RPS6KC1: variants seen among roughly 807,000 people sequenced by gnomAD.
The protein encoded by RPS6KC1 is ribosomal protein S6 kinase C1.
In RPS6KC1, 54 loss-of-function variants were observed where a neutral mutation model predicts 103.8. The observed-to-expected ratio is 0.52, with a 90% confidence interval of 0.42 to 0.65. The LOEUF (loss-of-function observed/expected upper bound fraction) is 0.65. Among genes scored for constraint, RPS6KC1 ranks in the 30% least tolerant of loss-of-function variants. RPS6KC1 has a pLI of 0.00. For missense variants in RPS6KC1, 1,151 were observed against 1,253.8 expected, an observed-to-expected ratio of 0.92 and a Z score of 1.24; for synonymous variants, 439 against 438.7, an observed-to-expected ratio of 1.00 and a Z score of -0.01.
At chr1:213,348,929 G>A in the RPS6KC1 span, among the ~76,000 whole-genome samples, 7 of 152,206 alleles carry the variant, frequency 4.6e-5, no homozygotes, top group South Asian at 2.1e-4. Flanking sequence ...GAATGAATGG[G>A]TGAATGGGTG....
Position 213,106,868 on chromosome 1 carries a change from T to C in RPS6KC1, c.378+2299T>C, listed in dbSNP as rs559135785. On this transcript the variant is annotated intron_variant, in intron 4 of 14. Transcript: ENST00000366960. ...GTATTAGTACAGTTACTAATTATAA[T>C]TGTACAATTCACCGATTTTCAGTAA... Among the ~76,000 whole-genome samples, 280 of 152,350 alleles carry C rather than the reference T, an allele frequency of 1.8e-3. 3 individuals are homozygous for C. In the South Asian group the frequency reaches 0.03, roughly 16 times the overall value.
intron 2 of RPS6KC1, chr1:213,072,986 TGTAA>T: frequency 2.5e-5 from 20 of 802,248 alleles, no homozygotes; most frequent in Middle Eastern, 6.3e-4. Context: ...TGAAAACTCT[TGTAA>T]GTGTCTTTTA....
At chr1:213,771,941 G>A in the RPS6KC1 span, among the ~76,000 whole-genome samples, 3 of 152,162 alleles carry the variant, frequency 2.0e-5, no homozygotes, top group Non-Finnish European at 2.9e-5. Context: ...ATATCTGGGC[G>A]GGCGTGGGGG....
chr1:213,495,014 T>G, the RPS6KC1 span, among the ~76,000 whole-genome samples: 1 of 152,224 alleles, frequency 6.6e-6, no homozygotes, highest in Non-Finnish European at 1.5e-5. Context: ...AAAAGGATTT[T>G]GAAGGGGAAT....
rs575107585 is a variant in RPS6KC1 at position 213,102,421 on chromosome 1, T to A, written c.263-2033T>A. 6.8e-4 allele frequency among the ~76,000 whole-genome samples: 104 copies of A among 152,292 alleles called. 2 individuals carry two copies. Among genetic ancestry groups the A allele is most frequent in the Non-Finnish European group, 1.0e-3 (68 of 68,024 alleles). On this transcript the variant is annotated intron_variant, in intron 3 of 14. Transcript: ENST00000366960. The stretch of plus-strand genomic sequence containing the variant: ...TTTTAACCTTCCACTTCTTGGTTCT[T>A]CTTGAAAGGGGGAAGGGACAAAGAA...
chr1:213,168,433 C>T (rs954098517), intron 7 of RPS6KC1, among the ~76,000 whole-genome samples: 1 of 152,180 alleles, frequency 6.6e-6, no homozygotes, highest in Non-Finnish European at 1.5e-5. Context: ...GGGACTTCTG[C>T]TAGACTTGTC....
At chr1:213,583,389 G>A in the RPS6KC1 span, among the ~76,000 whole-genome samples, 47 of 152,332 alleles carry the variant, frequency 3.1e-4, no homozygotes, top group Non-Finnish European at 6.2e-4. Context: ...TAGGAGGGTT[G>A]AAGTTGCAGA....
At chr1:213,235,542 T>G (rs2094203171) in intron 10 of RPS6KC1, among the ~76,000 whole-genome samples, 1 of 151,774 alleles carries the variant, frequency 6.6e-6, no homozygotes, top group Non-Finnish European at 1.5e-5. Flanking sequence ...CTTCAGGAAG[T>G]GAGAGAGGGA....
intron 8 of RPS6KC1, among the ~76,000 whole-genome samples, chr1:213,186,767 C>CT (rs1414642388): frequency 4.6e-5 from 7 of 152,082 alleles, no homozygotes; most frequent in South Asian, 2.1e-4. Context: ...TTCTACTCTT[C>CT]TTTTTTCTCT....
At chr1:213,227,489 C>T (rs2093988412) in intron 8 of RPS6KC1, among the ~76,000 whole-genome samples, 1 of 152,182 alleles carries the variant, frequency 6.6e-6, no homozygotes, top group Non-Finnish European at 1.5e-5. Flanking sequence ...GACACAGTTA[C>T]TGGGTTGAAA....
chr1:213,242,301 A>G lies in RPS6KC1; in HGVS notation c.2821+4A>G, dbSNP rs920279672. On this transcript the variant is annotated splice_donor_region_variant and intron_variant, in intron 11 of 14. Transcript: ENST00000366960. Reference sequence around the variant, plus strand: ...AACATCTTATTGAATGATAGAGGTCAGGAACTTTTGCAAATGCATTTCTTT... The same window carrying G: ...AACATCTTATTGAATGATAGAGGTCGGGAACTTTTGCAAATGCATTTCTTT... 3.7e-6 allele frequency: 6 copies of G among 1,613,444 alleles called. No individual in the cohort carries two copies. The highest frequency in any genetic ancestry group is 5.1e-6 in the Non-Finnish European group (6 of 1,179,610).
At chr1:213,688,821 A>G in the RPS6KC1 span, among the ~76,000 whole-genome samples, 27,996 of 152,182 alleles carry the variant, frequency 0.18, 3,085 homozygotes, top group Middle Eastern at 0.36. Context: ...CACACACTCA[A>G]TGACCCAGGC....
At chr1:213,613,292 A>C in the RPS6KC1 span, among the ~76,000 whole-genome samples, 1 of 151,854 alleles carries the variant, frequency 6.6e-6, no homozygotes, top group African/African-American at 2.4e-5. Context: ...CCACCAGATC[A>C]CTCCTCCTAT....
chr1:213,602,031 T>C, the RPS6KC1 span, among the ~76,000 whole-genome samples: 4 of 18,050 alleles, frequency 2.2e-4, 1 homozygote, highest in East Asian at 0.012. Context: ...TTTCTTTCTC[T>C]TTCTCTTTCT....
rs1416637953 is a variant in RPS6KC1, at chr1:213,150,310, A to AT, written c.836-17545dup. On this transcript the variant is annotated intron_variant, in intron 6 of 14. Coordinates refer to ENST00000366960, the MANE Select transcript of RPS6KC1 (RefSeq NM_012424.6). ...TACATTATATGTTATTTATTTATTTATTTATTTATTTATTTATTTTTTATT... is the reference window on the plus strand; with the variant it reads ...TACATTATATGTTATTTATTTATTTATTTTATTTATTTATTTATTTTTTATT... 6.0e-5 allele frequency among the ~76,000 whole-genome samples: 9 copies of AT among 149,334 alleles called. No individual in the cohort carries two copies. The East Asian group carries it at 1.4e-3, about 23-fold the overall frequency.
chr1:213,129,968 T>C, intron 6 of RPS6KC1, 79 bp downstream of exon 6: 1 of 1,325,344 alleles, frequency 7.5e-7, no homozygotes. Context: ...ATATATCTTC[T>C]GTATAGTCTT....
chr1:213,220,460 G>A (rs2093803129), intron 8 of RPS6KC1, among the ~76,000 whole-genome samples: 1 of 152,110 alleles, frequency 6.6e-6, no homozygotes, highest in African/African-American at 2.4e-5. Flanking sequence ...CCAAGTAACT[G>A]GGGTTACAGG....
At chr1:213,251,085 T>A (rs1159749733) in intron 12 of RPS6KC1, among the ~76,000 whole-genome samples, 1 of 150,600 alleles carries the variant, frequency 6.6e-6, no homozygotes, top group Non-Finnish European at 1.5e-5. Flanking sequence ...TCTTCTTTAT[T>A]CGCCCAGGTT....
chr1:213,323,614 T>G, the RPS6KC1 span, among the ~76,000 whole-genome samples: 2,088 of 152,320 alleles, frequency 0.014, 20 homozygotes, highest in Middle Eastern at 0.027. Context: ...CCATAGAAAC[T>G]TATCAAGTCC....
Sources: gnomAD v4.1 joint callset for allele counts (sites outside exome capture counted in the v4.1 genomes callset) on GRCh38, gnomAD v4.1.1 for gene constraint, MANE v1.5 for transcripts, NCBI Gene and HGNC (gene_info 2026-07-23, HGNC 2026-07-21) for gene names.